Variants in FAF1 observed in about 807,000 individuals in gnomAD.
FAF1 encodes FAS-associated factor 1.
In FAF1, 25 loss-of-function variants were observed where a neutral mutation model predicts 92.5. The ratio of observed to expected loss-of-function variants is 0.27; its 90% CI spans 0.20 to 0.38. FAF1 has a LOEUF of 0.38. Ranked by LOEUF, FAF1 falls within the 10% of genes least tolerant of loss-of-function variation. The pLI is 1.00. For synonymous variants in FAF1, 234 were observed against 273.2 expected, an observed-to-expected ratio of 0.86 and a Z score of 1.42; for missense variants, 636 against 793.3, an observed-to-expected ratio of 0.80 and a Z score of 2.38.
intron 6 of FAF1, among the ~76,000 whole-genome samples, chr1:50,722,126 T>C (rs991426584): frequency 6.6e-6 from 1 of 152,200 alleles, no homozygotes; most frequent in African/African-American, 2.4e-5. Context: ...CCACTGGCAA[T>C]TGCTCATCTA....
chr1:50,505,116 T>G (rs1031443449), intron 15 of FAF1, among the ~76,000 whole-genome samples: 2 of 152,158 alleles, frequency 1.3e-5, no homozygotes, highest in African/African-American at 4.8e-5. Context: ...TGGGATGTTA[T>G]TTTTGCTTTC....
chr1:50,875,699 C>G (rs1472499322), intron 1 of FAF1, among the ~76,000 whole-genome samples: 1 of 152,158 alleles, frequency 6.6e-6, no homozygotes, highest in Non-Finnish European at 1.5e-5. Context: ...GATCCACCCC[C>G]CTCGGCCTTC....
At chr1:50,807,347 G>A (rs1315308488) in intron 2 of FAF1, among the ~76,000 whole-genome samples, 2 of 152,220 alleles carry the variant, frequency 1.3e-5, no homozygotes, top group Non-Finnish European at 2.9e-5. Flanking sequence ...CTGTATAGAA[G>A]GCATGGCTGG....
intron 15 of FAF1, among the ~76,000 whole-genome samples, chr1:50,496,421 G>T (rs895023710): frequency 9.2e-5 from 14 of 152,130 alleles, no homozygotes; most frequent in Non-Finnish European, 1.8e-4. Context: ...CAGAAAGAAA[G>T]AAATAAAGAA....
chr1:50,616,624 T>C (rs987580656), intron 8 of FAF1, among the ~76,000 whole-genome samples: 1 of 152,178 alleles, frequency 6.6e-6, no homozygotes, highest in Non-Finnish European at 1.5e-5. Context: ...GTTCTTAGTT[T>C]GACTCTCAGC....
chr1:50,801,602 T>C (rs1661992405), intron 3 of FAF1, 29 bp downstream of exon 3: 2 of 1,340,232 alleles, frequency 1.5e-6, no homozygotes, highest in African/African-American at 1.4e-5. Flanking sequence ...TGCTAAGTCA[T>C]CTTAACTGGT....
intron 1 of FAF1, among the ~76,000 whole-genome samples, chr1:50,936,975 A>G (rs1343897935): frequency 6.6e-6 from 1 of 152,108 alleles, no homozygotes; most frequent in Non-Finnish European, 1.5e-5. Flanking sequence ...AATGTAGGAG[A>G]AAACCAATGG....
chr1:50,748,603 C>A (rs1031002337), intron 4 of FAF1, among the ~76,000 whole-genome samples: 3 of 152,122 alleles, frequency 2.0e-5, no homozygotes, highest in Admixed American at 2.0e-4. Context: ...CCCTGTGCCC[C>A]ACAATTATTT....
intron 6 of FAF1, among the ~76,000 whole-genome samples, chr1:50,734,892 A>AT (rs1382706631): frequency 6.6e-6 from 1 of 152,230 alleles, no homozygotes; most frequent in Non-Finnish European, 1.5e-5. Flanking sequence ...ATATTTAGAA[A>AT]TTGAAGAGTT....
At chr1:50,471,163 T>C (rs192633731) in intron 18 of FAF1, 111 of 152,300 alleles carry the variant, frequency 7.3e-4, no homozygotes, top group African/African-American at 2.6e-3. Flanking sequence ...TCTATCTCCT[T>C]ATGGTGGCAA....
At chr1:50,856,351 C>A (rs1644390284) in intron 2 of FAF1, among the ~76,000 whole-genome samples, 1 of 151,772 alleles carries the variant, frequency 6.6e-6, no homozygotes, top group Non-Finnish European at 1.5e-5. Context: ...AGACTCAAGA[C>A]AAGAAACTTG....
At chr1:50,759,631 T>C (rs893309635) in intron 4 of FAF1, among the ~76,000 whole-genome samples, 5 of 152,190 alleles carry the variant, frequency 3.3e-5, no homozygotes, top group African/African-American at 1.2e-4. Context: ...TGTGTCTTTA[T>C]AGCAGCATGA....
Position 50,930,984 on chromosome 1 carries a change from TTTG to T in FAF1, c.45+28780_45+28782del, listed in dbSNP as rs1359730618. Among the ~76,000 whole-genome samples, 6 of 152,340 alleles carry T rather than the reference TTTG, an allele frequency of 3.9e-5. No individual in the cohort carries two copies. The East Asian group carries it at 7.7e-4, about 20-fold the overall frequency. ...AACATTATTAATTAATTACAGCAGA[TTTG>T]TTATGATTAGTGTCTACATGATATA... On this transcript the variant is annotated intron_variant, in intron 1 of 18. Coordinates refer to ENST00000396153, the MANE Select transcript of FAF1 (RefSeq NM_007051.3).
chr1:50,879,808 A>G (rs1044638479), intron 1 of FAF1, among the ~76,000 whole-genome samples: 1 of 152,196 alleles, frequency 6.6e-6, no homozygotes, highest in African/African-American at 2.4e-5. Context: ...CTGTGTTTTA[A>G]CAATTCCTCC....
intron 8 of FAF1, 129 bp from the exon 9 acceptor site, chr1:50,596,345 T>A: frequency 1.5e-6 from 1 of 646,892 alleles, no homozygotes; most frequent in Non-Finnish European, 2.6e-6. Flanking sequence ...TCCTGGGTAT[T>A]ACATTACCAG....
chr1:50,822,910 G>C (rs913399941), intron 2 of FAF1, among the ~76,000 whole-genome samples: 2 of 151,722 alleles, frequency 1.3e-5, no homozygotes, highest in Non-Finnish European at 2.9e-5. Context: ...GAGAAGCTGG[G>C]GTTACAGGTG....
chr1:50,952,683 CCA>C (rs1645226957), intron 1 of FAF1, among the ~76,000 whole-genome samples: 1 of 152,016 alleles, frequency 6.6e-6, no homozygotes, highest in Non-Finnish European at 1.5e-5. Context: ...GCCCGGCCGC[CCA>C]TCGTCTGAGA....
chr1:50,739,776 C>A (rs942745920), intron 5 of FAF1, among the ~76,000 whole-genome samples: 7 of 152,030 alleles, frequency 4.6e-5, no homozygotes, highest in African/African-American at 1.4e-4. Flanking sequence ...ATCTTTTACT[C>A]CAGATATCTT....
At chr1:50,691,815 C>G (rs1471399047) in intron 7 of FAF1, among the ~76,000 whole-genome samples, 2 of 152,168 alleles carry the variant, frequency 1.3e-5, no homozygotes, top group Non-Finnish European at 2.9e-5. Context: ...GCCATCGTGC[C>G]TGGCCATTTT....
Sources: allele counts gnomAD v4.1 joint callset (sites outside exome capture counted in the v4.1 genomes callset), GRCh38; gene constraint gnomAD v4.1.1; transcripts MANE v1.5; gene names NCBI Gene and HGNC (gene_info 2026-07-23, HGNC 2026-07-21).